CUX2: variants seen among roughly 807,000 people sequenced by gnomAD.
CUX2 encodes the protein homeobox protein cut-like 2.
CUX2 carries 40 observed loss-of-function variants against 144.8 expected under a neutral mutation model. The ratio of observed to expected loss-of-function variants is 0.28; its 90% CI spans 0.21 to 0.36. The LOEUF (loss-of-function observed/expected upper bound fraction) is 0.36, where lower values mean the gene tolerates loss of function less well. CUX2 is among the 10% of genes least tolerant of loss of function. The probability of loss-of-function intolerance (pLI) is 1.00; values close to 1 mark genes in which losing one functional copy is unlikely to be tolerated. For synonymous variants in CUX2, 827 were observed against 875.6 expected (o/e 0.94, Z 0.98); for missense variants, 1,615 against 1,994.0 (o/e 0.81, Z 3.62).
rs572813084 is a variant in CUX2, at chr12:111,160,035, AAAC to A, written c.64-54158_64-54156del. Among the ~76,000 whole-genome samples, 84 of 152,266 alleles carry A rather than the reference AAAC, an allele frequency of 5.5e-4. 1 individual carries two copies. Among genetic ancestry groups the A allele is most frequent in the Admixed American group, 1.3e-3 (20 of 15,290 alleles). On this transcript the variant is annotated intron_variant, in intron 1 of 21. Coordinates refer to ENST00000261726, the MANE Select transcript of CUX2 (RefSeq NM_015267.4). This position sits in a 1 kb window ranked among gnomAD's most constrained non-coding sequence, Gnocchi z 4.1. Reference sequence around the variant, plus strand: ...GTGAGACTATCTTAAAAACAAAACAAAACAACAACTACAAAAAAAGCAAAAGGA... The same window carrying A: ...GTGAGACTATCTTAAAAACAAAACAAAACAACTACAAAAAAAGCAAAAGGA...
chr12:111,235,892 A>G (rs1402464170), intron 3 of CUX2, among the ~76,000 whole-genome samples: 1 of 152,068 alleles, frequency 6.6e-6, no homozygotes, highest in Non-Finnish European at 1.5e-5. Flanking sequence ...GTGGGACATG[A>G]CACCATTAGC....
chr12:111,121,379 T>TTTTC (rs1874670595), intron 1 of CUX2, among the ~76,000 whole-genome samples: 1 of 130,658 alleles, frequency 7.7e-6, no homozygotes, highest in African/African-American at 3.2e-5. Flanking sequence ...CTTTTTTTTT[T>TTTTC]TTTTTTTTTT....
At chr12:111,177,996 T>C (rs1160492546) in intron 1 of CUX2, among the ~76,000 whole-genome samples, 1 of 152,254 alleles carries the variant, frequency 6.6e-6, no homozygotes, top group Non-Finnish European at 1.5e-5. Context: ...TTTGTTCTTA[T>C]TGTTGTTTGC....
rs564163256 is a variant in CUX2, at chr12:111,287,747, G to A, written c.302-3671G>A. Reference sequence around the variant, plus strand: ...CGCACCTGCTTACCTCGGCATGGACGCCCATTGTCCAAGCCCCTGCCACCT... The same window carrying A: ...CGCACCTGCTTACCTCGGCATGGACACCCATTGTCCAAGCCCCTGCCACCT... On this transcript the variant is annotated intron_variant, in intron 4 of 21. Transcript: ENST00000261726. This position sits in a 1 kb window ranked among gnomAD's most constrained non-coding sequence, Gnocchi z 4.2. Among the ~76,000 whole-genome samples the A allele has an allele frequency of 2.6e-5, 4 of 152,352 alleles. No homozygotes were observed. The East Asian group carries it at 5.8e-4, about 22-fold the overall frequency.
chr12:111,145,476 C>A (rs1291875957), intron 1 of CUX2, among the ~76,000 whole-genome samples: 1 of 152,192 alleles, frequency 6.6e-6, no homozygotes, highest in Non-Finnish European at 1.5e-5. Flanking sequence ...TCAAGCAATC[C>A]TCCCACCTCA....
intron 1 of CUX2, among the ~76,000 whole-genome samples, chr12:111,189,117 A>G (rs1400729081): frequency 1.3e-5 from 2 of 152,068 alleles, no homozygotes; most frequent in Non-Finnish European, 2.9e-5. Flanking sequence ...CCGACTCTAC[A>G]AAAAATTAGC....
At position 111,304,985 on chromosome 12, in the gene CUX2, T is replaced by A. The variant is rs961976952; in HGVS notation, c.858+671T>A. 2.6e-5 allele frequency among the ~76,000 whole-genome samples: 4 copies of A among 152,208 alleles called. No individual in the cohort carries two copies. Among genetic ancestry groups the A allele is most frequent in the African/African-American group, 9.6e-5 (4 of 41,460 alleles). On this transcript the variant is annotated intron_variant, in intron 10 of 21. Coordinates refer to ENST00000261726, the MANE Select transcript of CUX2 (RefSeq NM_015267.4). This position sits in a 1 kb window ranked among gnomAD's most constrained non-coding sequence, Gnocchi z 4.7. ...AGGGGGATTTCCCACCCCAGCCACA[T>A]GCTATGAAGAGCCAGTCTTCGGTGA...
At chr12:111,344,766 G>A (rs1755362755) in intron 21 of CUX2, among the ~76,000 whole-genome samples, 1 of 152,138 alleles carries the variant, frequency 6.6e-6, no homozygotes, top group South Asian at 2.1e-4. Context: ...AGGGAGGCAG[G>A]GGCAAGAAAA....
chr12:111,216,065 T>C (rs1881510036), intron 2 of CUX2, among the ~76,000 whole-genome samples: 1 of 152,196 alleles, frequency 6.6e-6, no homozygotes. Flanking sequence ...CCAGCTCACC[T>C]CCTGCTCGCG....
rs2093099062 is a variant in CUX2 at position 111,320,390 on chromosome 12, G to T, written c.2381G>T (p.Gly794Val). 8 of 1,597,944 alleles carry T rather than the reference G, an allele frequency of 5.0e-6. No homozygotes were observed. Among genetic ancestry groups the T allele is most frequent in the Non-Finnish European group, 5.1e-6 (6 of 1,179,102 alleles). Residue 794 changes from glycine (G) to valine (V), a missense_variant, in exon 17 of 22, where the codon GGC becomes GTC. Gly to Val is a moderately radical substitution (Grantham distance 109). Transcript: ENST00000261726. The surrounding 1 kb of genome is among the most constrained non-coding windows in gnomAD (Gnocchi z 8.1). The stretch of plus-strand genomic sequence containing the variant: ...GACCACCACTGGGCCTCCGACCGCG[G>T]CCTGCTCAGCCGCCCCTACGCCTCC... ...YFDHHWASDR[G>V]LLSRPYASVS...
At chr12:111,153,077 C>T (rs901325878) in intron 1 of CUX2, among the ~76,000 whole-genome samples, 10 of 152,146 alleles carry the variant, frequency 6.6e-5, no homozygotes, top group African/African-American at 2.4e-4. Context: ...TCTCTGAATC[C>T]CGAAAGCCAC....
rs1321429444 is a variant in CUX2 at position 111,349,488 on chromosome 12, A to G, written c.*1163A>G. On this transcript the variant is annotated 3_prime_UTR_variant, in exon 22 of 22. Coordinates refer to ENST00000261726, the MANE Select transcript of CUX2 (RefSeq NM_015267.4). ...CCCCTTCTCGCCATCTTCTTTCTCA[A>G]GTTGACCGTGGTGCTGTTTCTGGAA... 1 of 152,224 alleles carries G rather than the reference A, an allele frequency of 6.6e-6. No individual in the cohort carries two copies. The highest frequency in any genetic ancestry group is 1.5e-5 in the Non-Finnish European group (1 of 68,060). 9.4% of individuals were successfully genotyped at this position (152,224 alleles called of 1,614,324 possible).
Position 111,263,624 on chromosome 12 carries a change from C to CAAA in CUX2, c.223-134_223-132dup. 3 of 763,816 alleles carry CAAA rather than the reference C, an allele frequency of 3.9e-6. No individual in the cohort carries two copies. Among genetic ancestry groups the CAAA allele is most frequent in the South Asian group, 1.6e-5 (1 of 61,312 alleles). The allele number at this position is 763,816 out of a possible 1,614,324, so 47.3% of individuals were successfully genotyped here. The stretch of plus-strand genomic sequence containing the variant: ...TGGGCGACAGAGCAAGACTCTCTCT[C>CAAA]AAAAACAAAACAAAACAAAACAAAA... On this transcript the variant is annotated intron_variant, in intron 3 of 21. Coordinates refer to ENST00000261726, the MANE Select transcript of CUX2 (RefSeq NM_015267.4). The surrounding 1 kb of genome is among the most constrained non-coding windows in gnomAD (Gnocchi z 4.0).
intron 1 of CUX2, among the ~76,000 whole-genome samples, chr12:111,069,520 CTGTGTGTGTGTGTGTGTGTGTGTG>C (rs150243402): frequency 3.6e-5 from 5 of 139,692 alleles, no homozygotes; most frequent in African/African-American, 1.1e-4. Flanking sequence ...AAGCCTTGCT[CTGTGTGTGTGTGTGTGTGTGTGTG>C]TGTGTGTGCG....
At chr12:111,231,589 G>T (rs1335050469) in intron 3 of CUX2, among the ~76,000 whole-genome samples, 1 of 152,148 alleles carries the variant, frequency 6.6e-6, no homozygotes, top group East Asian at 1.9e-4. Context: ...TGGCCATTGG[G>T]CTAAAGCCTA....
At chr12:111,254,336 G>GTA (rs1883706068) in intron 3 of CUX2, among the ~76,000 whole-genome samples, 1 of 152,170 alleles carries the variant, frequency 6.6e-6, no homozygotes, top group Non-Finnish European at 1.5e-5. Flanking sequence ...CATGCACATA[G>GTA]TAGGTGCTCA....
chr12:111,330,071 C>A (rs1241400048), intron 18 of CUX2, among the ~76,000 whole-genome samples: 2 of 152,186 alleles, frequency 1.3e-5, no homozygotes, highest in African/African-American at 2.4e-5. Flanking sequence ...TAACAGTGAG[C>A]CTGGAACATG....
At chr12:111,231,134 C>T (rs968789894) in intron 3 of CUX2, among the ~76,000 whole-genome samples, 1 of 152,104 alleles carries the variant, frequency 6.6e-6, no homozygotes, top group African/African-American at 2.4e-5. Flanking sequence ...CAACCAACAC[C>T]ACCATCCATC....
intron 1 of CUX2, among the ~76,000 whole-genome samples, chr12:111,134,581 C>T (rs894552793): frequency 6.7e-6 from 1 of 149,334 alleles, no homozygotes; most frequent in Non-Finnish European, 1.5e-5. Flanking sequence ...GAAACAGAAC[C>T]AATAAGATCT....
Sources: gnomAD v4.1 joint callset for allele counts (sites outside exome capture counted in the v4.1 genomes callset) on GRCh38, gnomAD v4.1.1 for gene constraint, Gnocchi (gnomAD v3.1) non-coding constraint, MANE v1.5 for transcripts, NCBI Gene and HGNC (gene_info 2026-07-23, HGNC 2026-07-21) for gene names.